Variants in SOX6 observed in about 807,000 individuals in gnomAD.
The protein encoded by SOX6 is SRY-box transcription factor 6.
A neutral mutation model predicts 97.8 loss-of-function variants in SOX6; 11 were observed. That is an observed-to-expected ratio of 0.11 (90% CI 0.07 to 0.19). The LOEUF is 0.19. SOX6 is among the 10% of genes least tolerant of loss of function. The pLI, the probability that SOX6 is intolerant of heterozygous loss-of-function variation, is 1.00. For synonymous variants in SOX6, 360 were observed against 371.4 expected, an observed-to-expected ratio of 0.97 and a Z score of 0.35; for missense variants, 810 against 1,039.5, an observed-to-expected ratio of 0.78 and a Z score of 3.04.
chr11:16,625,734 G>A (rs1848614908), intron 3 of SOX6, among the ~76,000 whole-genome samples: 1 of 152,206 alleles, frequency 6.6e-6, no homozygotes. Context: ...AAAAGATTGG[G>A]TTTGGAGAAC....
chr11:16,202,628 T>C (rs1851970254), intron 4 of SOX6, among the ~76,000 whole-genome samples: 1 of 152,136 alleles, frequency 6.6e-6, no homozygotes, highest in South Asian at 2.1e-4. Context: ...TCCCCAATCA[T>C]ATGAGCAGGA....
chr11:16,109,151 A>G (rs1849166633), intron 7 of SOX6, among the ~76,000 whole-genome samples: 1 of 152,164 alleles, frequency 6.6e-6, no homozygotes, highest in East Asian at 1.9e-4. Context: ...TCAAAAATTT[A>G]GTCATTGCTG....
intron 12 of SOX6, among the ~76,000 whole-genome samples, chr11:16,045,789 C>T (rs1156504108): frequency 1.3e-5 from 2 of 152,156 alleles, no homozygotes; most frequent in South Asian, 2.1e-4. Context: ...CTCAGAGAGT[C>T]CTTACCACTT....
chr11:16,055,862 G>A lies in SOX6; in HGVS notation c.1141C>T (p.Pro381Ser), dbSNP rs372492993. 2 of 1,613,768 alleles carry A rather than the reference G, an allele frequency of 1.2e-6. No homozygotes were observed. Among genetic ancestry groups the A allele is most frequent in the South Asian group, 1.1e-5 (1 of 91,080 alleles). The change falls in exon 10 of 16, where the codon CCT (proline) becomes TCT (serine). Residue 381 changes from proline (P) to serine (S), a missense_variant. Physicochemically the swap from Pro to Ser is moderately conservative, Grantham distance 74. Coordinates refer to ENST00000683767, the MANE Select transcript of SOX6 (RefSeq NM_001367873.1). ...AAQLASMQVS[P>S]GAKMPSTPQP... is the part of the protein sequence containing the mutation. ...GGAGTTGATGGCATCTTTGCTCCAG[G>A]TGACACCTGCATGCTGGCCAGCTGA...
intron 1 of SOX6, among the ~76,000 whole-genome samples, chr11:16,446,266 G>A (rs1247125018): frequency 6.6e-6 from 1 of 151,620 alleles, no homozygotes; most frequent in Non-Finnish European, 1.5e-5. Context: ...AGAAAGGAGA[G>A]GAGAGAAAGA....
chr11:15,972,669 G>T lies in SOX6; in HGVS notation c.*140C>A. 1.1e-6 allele frequency: 1 copy of T among 895,824 alleles called. No individual in the cohort carries two copies. Among genetic ancestry groups the T allele is most frequent in the Non-Finnish European group, 1.8e-6 (1 of 564,940 alleles). The allele number at this position is 895,824 out of a possible 1,614,324, so 55.5% of individuals were successfully genotyped here. ...TGAAAAATCAGGGAAAACTTAATCT[G>T]TCTCACACTTTACGAAACAATTAAG... On this transcript the variant is annotated 3_prime_UTR_variant, in exon 16 of 16. Transcript: ENST00000683767.
chr11:16,005,321 G>A (rs773540301), intron 13 of SOX6, among the ~76,000 whole-genome samples: 4 of 151,726 alleles, frequency 2.6e-5, no homozygotes, highest in Non-Finnish European at 5.9e-5. Flanking sequence ...AGGCTCAACC[G>A]AGAAAGACCA....
At chr11:16,654,115 T>G (rs1176286870) in intron 3 of SOX6, among the ~76,000 whole-genome samples, 1 of 152,192 alleles carries the variant, frequency 6.6e-6, no homozygotes, top group African/African-American at 2.4e-5. Context: ...CTATAGATAA[T>G]AAGTGATTTT....
At position 16,015,041 on chromosome 11, in the gene SOX6, G is replaced by A. The variant is rs185225806; in HGVS notation, c.1633C>T (p.Arg545Cys). 3.8e-5 allele frequency: 62 copies of A among 1,612,590 alleles called. No homozygotes were observed. The highest frequency in any genetic ancestry group is 8.9e-5 in the East Asian group (4 of 44,794). ...NSCRNEKERTRFENLGPQLTG... is the reference protein window; with the variant it reads ...NSCRNEKERTCFENLGPQLTG... ...AACTGGGGCCCCAAATTCTCAAAGC[G>A]CGTTCTTTCCTAGAGGAACAAATAA... Residue 545 changes from arginine (R) to cysteine (C), a missense_variant, in exon 13 of 16, where the codon CGC (arginine) becomes TGC (cysteine). Physicochemically the swap from Arg to Cys is radical, Grantham distance 180 (BLOSUM62 -3). Around this residue, in one of 9 missense-constraint regions of SOX6, gnomAD observed 120 missense variants for 127.0 expected, o/e 0.94. Coordinates refer to ENST00000683767, the MANE Select transcript of SOX6 (RefSeq NM_001367873.1).
intron 4 of SOX6, among the ~76,000 whole-genome samples, chr11:16,577,986 T>C (rs1009349226): frequency 4.6e-5 from 7 of 152,158 alleles, no homozygotes; most frequent in Admixed American, 3.9e-4. Flanking sequence ...TCTAAGAAAC[T>C]ATTGCCTATC....
rs985792317 is a variant in SOX6 at position 16,216,498 on chromosome 11, A to G, written c.535+18084T>C. 3.9e-5 allele frequency among the ~76,000 whole-genome samples: 6 copies of G among 152,120 alleles called. No individual in the cohort carries two copies. The East Asian group carries it at 5.8e-4, about 15-fold the overall frequency. ...CCACAATAAGAATCAGTTCATCAGC[A>G]GAGAGGAAAGGGCATTTTTTGTGGT... On this transcript the variant is annotated intron_variant, in intron 4 of 15. Coordinates refer to ENST00000683767, the MANE Select transcript of SOX6 (RefSeq NM_001367873.1).
At chr11:16,174,937 C>T (rs1044788000) in intron 6 of SOX6, among the ~76,000 whole-genome samples, 5 of 151,820 alleles carry the variant, frequency 3.3e-5, no homozygotes, top group African/African-American at 1.2e-4. Context: ...AAATGTTATG[C>T]TCTCTTTTAT....
At chr11:16,410,495 G>A (rs989695372) in intron 1 of SOX6, among the ~76,000 whole-genome samples, 4 of 152,022 alleles carry the variant, frequency 2.6e-5, no homozygotes, top group African/African-American at 9.7e-5. Flanking sequence ...GATGGCTCAC[G>A]CCTATAACAC....
chr11:16,446,607 T>C (rs1345089783), intron 1 of SOX6, among the ~76,000 whole-genome samples: 2 of 152,112 alleles, frequency 1.3e-5, no homozygotes, highest in African/African-American at 2.4e-5. Context: ...TAAACAAGTT[T>C]TTCTTCAAAA....
At chr11:16,711,416 G>C (rs538666042) in intron 3 of SOX6, among the ~76,000 whole-genome samples, 118 of 107,944 alleles carry the variant, frequency 1.1e-3, no homozygotes, top group African/African-American at 3.0e-3. Flanking sequence ...CCCAGCTACT[G>C]GGGGGTGGAG....
intron 1 of SOX6, among the ~76,000 whole-genome samples, chr11:16,405,081 C>A (rs1190253840): frequency 6.6e-6 from 1 of 151,866 alleles, no homozygotes; most frequent in African/African-American, 2.4e-5. Flanking sequence ...AAACAAAGAA[C>A]AAAAGGAAAT....
At chr11:16,154,870 A>C (rs565869887) in intron 6 of SOX6, among the ~76,000 whole-genome samples, 39 of 152,088 alleles carry the variant, frequency 2.6e-4, no homozygotes, top group African/African-American at 9.4e-4. Context: ...GGAGTGTTCA[A>C]ATATTTGTAG....
chr11:16,355,162 A>C (rs545057638), intron 1 of SOX6, among the ~76,000 whole-genome samples: 6 of 152,192 alleles, frequency 3.9e-5, no homozygotes, highest in African/African-American at 1.4e-4. Flanking sequence ...GTTTGAGATC[A>C]CTATTTCCAC....
intron 6 of SOX6, 31 bp downstream of exon 6, chr11:16,183,855 T>C (rs377019676): frequency 3.1e-6 from 5 of 1,597,972 alleles, no homozygotes; most frequent in Admixed American, 1.7e-5. Context: ...TATCTAAGTA[T>C]AATCAGACGA....
Sources: allele counts gnomAD v4.1 joint callset (sites outside exome capture counted in the v4.1 genomes callset), GRCh38; gene constraint gnomAD v4.1.1; regional missense constraint gnomAD v4.1.1; transcripts MANE v1.5; gene names NCBI Gene and HGNC (gene_info 2026-07-23, HGNC 2026-07-21).